Variants in PIP5K1B observed in about 807,000 individuals in gnomAD.
The protein encoded by PIP5K1B is phosphatidylinositol-4-phosphate 5-kinase type 1 beta, also known as phosphatidylinositol 4-phosphate 5-kinase type-1 beta.
In PIP5K1B, 42 loss-of-function variants were observed where a neutral mutation model predicts 67.0. The ratio of observed to expected loss-of-function variants is 0.63; its 90% CI spans 0.49 to 0.81. The LOEUF is 0.81. Among genes scored for constraint, PIP5K1B ranks in the 30% least tolerant of loss-of-function variants. The pLI, the probability that PIP5K1B is intolerant of heterozygous loss-of-function variation, is 0.00. For missense variants in PIP5K1B, 459 were observed against 646.3 expected (o/e 0.71, Z 3.14); for synonymous variants, 214 against 231.4 (o/e 0.92, Z 0.68).
intron 12 of PIP5K1B, among the ~76,000 whole-genome samples, chr9:68,924,789 G>T (rs1039556856): frequency 5.3e-5 from 8 of 151,806 alleles, no homozygotes; most frequent in Admixed American, 3.3e-4. Flanking sequence ...ATTTATTGGA[G>T]ATTTTTTAAT....
intron 14 of PIP5K1B, among the ~76,000 whole-genome samples, chr9:68,951,607 T>C (rs1828070561): frequency 6.6e-6 from 1 of 152,166 alleles, no homozygotes. Context: ...CTTTCCAACC[T>C]AAGTGGTAAA....
chr9:68,737,274 C>A (rs1828784274), intron 1 of PIP5K1B, among the ~76,000 whole-genome samples: 1 of 152,106 alleles, frequency 6.6e-6, no homozygotes, highest in South Asian at 2.1e-4. Flanking sequence ...TAGGTTGAAC[C>A]TTTTTGGAGT....
At chr9:68,706,502 G>A (rs1326895248) in intron 1 of PIP5K1B, among the ~76,000 whole-genome samples, 1 of 152,196 alleles carries the variant, frequency 6.6e-6, no homozygotes, top group Non-Finnish European at 1.5e-5. Context: ...TGCCCAGCGT[G>A]GCTGAGTAGA....
At chr9:68,848,414 G>A (rs1822307503) in intron 4 of PIP5K1B, among the ~76,000 whole-genome samples, 1 of 152,140 alleles carries the variant, frequency 6.6e-6, no homozygotes, top group African/African-American at 2.4e-5. Context: ...TTTCTGCCTA[G>A]GTGTGTTTCT....
chr9:68,940,304 T>G (rs1189648173), intron 13 of PIP5K1B, among the ~76,000 whole-genome samples: 1 of 152,226 alleles, frequency 6.6e-6, no homozygotes, highest in African/African-American at 2.4e-5. Flanking sequence ...CCAGTCATCC[T>G]TTTAATCTCT....
intron 2 of PIP5K1B, among the ~76,000 whole-genome samples, chr9:68,802,537 A>T (rs140568146): frequency 6.6e-6 from 1 of 152,346 alleles, no homozygotes; most frequent in African/African-American, 2.4e-5. Context: ...ATTACAATAT[A>T]GTCAGTAAGT....
intron 2 of PIP5K1B, among the ~76,000 whole-genome samples, chr9:68,746,076 C>CT (rs11306038): frequency 0.12 from 12,499 of 107,046 alleles, 1,023 homozygotes; most frequent in Non-Finnish European, 0.17. Context: ...TGTGTTAACT[C>CT]TTTTTTTTTT....
At chr9:68,824,392 A>G in intron 4 of PIP5K1B, 2 of 389,858 alleles carry the variant, frequency 5.1e-6, no homozygotes, top group South Asian at 1.9e-5. Context: ...AATAATTAGT[A>G]TAGGTAATTC....
At chr9:68,960,716 A>G (rs1828678209) in intron 14 of PIP5K1B, among the ~76,000 whole-genome samples, 1 of 152,156 alleles carries the variant, frequency 6.6e-6, no homozygotes, top group South Asian at 2.1e-4. Flanking sequence ...TTCCTTTAGT[A>G]TCCCGTTCTT....
intron 2 of PIP5K1B, among the ~76,000 whole-genome samples, chr9:68,806,267 G>A (rs1832866847): frequency 6.6e-6 from 1 of 152,154 alleles, no homozygotes; most frequent in African/African-American, 2.4e-5. Context: ...TGCACGCCTT[G>A]CCATCTTGAC....
intron 2 of PIP5K1B, among the ~76,000 whole-genome samples, chr9:68,779,018 C>T (rs996678739): frequency 2.6e-5 from 4 of 152,094 alleles, no homozygotes; most frequent in African/African-American, 7.2e-5. Context: ...TTTCCTAAGG[C>T]TTACCACTAT....
intron 6 of PIP5K1B, among the ~76,000 whole-genome samples, chr9:68,887,099 C>T (rs1824515541): frequency 6.6e-6 from 1 of 152,198 alleles, no homozygotes; most frequent in Non-Finnish European, 1.5e-5. Flanking sequence ...CTTCAGTGAC[C>T]ACCCTATTTA....
At chr9:68,929,887 C>T (rs1181350266) in intron 12 of PIP5K1B, among the ~76,000 whole-genome samples, 1 of 152,194 alleles carries the variant, frequency 6.6e-6, no homozygotes, top group Non-Finnish European at 1.5e-5. Flanking sequence ...CCAGGCTGGT[C>T]TTGAACTCCT....
At chr9:68,894,316 A>AT (rs2132408725) in intron 7 of PIP5K1B, 23 bp from the exon 8 acceptor site, 1 of 1,458,092 alleles carries the variant, frequency 6.9e-7, no homozygotes, top group East Asian at 2.3e-5. Context: ...TTGTAAATAT[A>AT]TTTTTCTTTT....
chr9:68,729,332 G>C (rs1828305838), intron 1 of PIP5K1B, among the ~76,000 whole-genome samples: 1 of 151,958 alleles, frequency 6.6e-6, no homozygotes. Flanking sequence ...TTAAATCACT[G>C]ATTATTGAAG....
chr9:68,840,931 T>C (rs112047452), intron 4 of PIP5K1B, among the ~76,000 whole-genome samples: 2,867 of 152,330 alleles, frequency 0.019, 61 homozygotes, highest in East Asian at 0.11. Context: ...AATTTCACAA[T>C]GTCCTCCTCT....
At chr9:68,812,062 G>A (rs971556793) in intron 2 of PIP5K1B, among the ~76,000 whole-genome samples, 1 of 152,224 alleles carries the variant, frequency 6.6e-6, no homozygotes, top group African/African-American at 2.4e-5. Flanking sequence ...CGTGGGGTGG[G>A]AATGGATGGT....
At chr9:68,710,888 A>G (rs149976421) in intron 1 of PIP5K1B, among the ~76,000 whole-genome samples, 1 of 152,354 alleles carries the variant, frequency 6.6e-6, no homozygotes, top group East Asian at 1.9e-4. Context: ...TGTTTTTAGA[A>G]AATCAATTGT....
At chr9:68,978,102 A>G (rs1033575926) in intron 14 of PIP5K1B, among the ~76,000 whole-genome samples, 4 of 152,214 alleles carry the variant, frequency 2.6e-5, no homozygotes, top group Non-Finnish European at 4.4e-5. Flanking sequence ...CATCAAGCCA[A>G]TTAACATATC....
Sources: allele counts gnomAD v4.1 joint callset (sites outside exome capture counted in the v4.1 genomes callset), GRCh38; gene constraint gnomAD v4.1.1; transcripts MANE v1.5; gene names NCBI Gene and HGNC (gene_info 2026-07-23, HGNC 2026-07-21).